Variants in MACROD2 observed in about 807,000 individuals in gnomAD.
The protein encoded by MACROD2 is ADP-ribose glycohydrolase MACROD2.
A neutral mutation model predicts 70.4 loss-of-function variants in MACROD2; 36 were observed. That is an observed-to-expected ratio of 0.51 (90% CI 0.39 to 0.68). The LOEUF (loss-of-function observed/expected upper bound fraction) is 0.68. Ranked by LOEUF, MACROD2 falls within the 30% of genes least tolerant of loss-of-function variation. The pLI is 0.00. For missense variants in MACROD2, 496 were observed against 538.4 expected (o/e 0.92, Z 0.78); for synonymous variants, 172 against 178.8 (o/e 0.96, Z 0.30).
At chr20:15,564,731 T>C (rs1304979484) in intron 8 of MACROD2, among the ~76,000 whole-genome samples, 4 of 152,210 alleles carry the variant, frequency 2.6e-5, no homozygotes, top group Non-Finnish European at 5.9e-5. Context: ...AGAAGGCTGG[T>C]AATATGTTTA....
At chr20:14,000,109 G>T (rs956531647) in intron 1 of MACROD2, among the ~76,000 whole-genome samples, 2 of 152,114 alleles carry the variant, frequency 1.3e-5, no homozygotes, top group African/African-American at 4.8e-5. Flanking sequence ...TCCTATTTGT[G>T]CCCACTTCCT....
chr20:15,679,342 G>A (rs1003233570), intron 8 of MACROD2, among the ~76,000 whole-genome samples: 1 of 152,130 alleles, frequency 6.6e-6, no homozygotes, highest in Non-Finnish European at 1.5e-5. Flanking sequence ...AAGGGTGAGG[G>A]GTGGTCAGGG....
At chr20:15,926,271 A>G (rs769777307) in intron 10 of MACROD2, among the ~76,000 whole-genome samples, 16 of 152,166 alleles carry the variant, frequency 1.1e-4, no homozygotes, top group Admixed American at 1.0e-3. Context: ...AAGATCCTGG[A>G]ATAGAAGATA....
Position 14,832,098 on chromosome 20 carries a change from A to G in MACROD2, c.418+147139A>G, listed in dbSNP as rs940863861. 1.6e-5 allele frequency among the ~76,000 whole-genome samples: 2 copies of G among 126,528 alleles called. 1 individual carries two copies. Among genetic ancestry groups the G allele is most frequent in the Non-Finnish European group, 3.1e-5 (2 of 63,902 alleles). The allele number at this position is 126,528 out of a possible 152,430, so 83.0% of individuals were successfully genotyped here. A position where few individuals can be genotyped will look rare whatever the true frequency, so the allele number is the denominator to read the frequency against. On this transcript the variant is annotated intron_variant, in intron 5 of 17. Transcript: ENST00000684519. Reference sequence around the variant, plus strand: ...CGCTCTGTGGCCCAGGCTGGAGTGCAGTGGCACGATCTCGGCTCACTGCAA... The same window carrying G: ...CGCTCTGTGGCCCAGGCTGGAGTGCGGTGGCACGATCTCGGCTCACTGCAA...
intron 3 of MACROD2, among the ~76,000 whole-genome samples, chr20:14,351,905 T>C (rs1253438922): frequency 1.3e-5 from 2 of 152,196 alleles, no homozygotes; most frequent in Non-Finnish European, 2.9e-5. Context: ...ATTTGTTCTA[T>C]ATCCAGTTAT....
chr20:15,053,010 T>C (rs2075454861), intron 5 of MACROD2, among the ~76,000 whole-genome samples: 1 of 152,224 alleles, frequency 6.6e-6, no homozygotes, highest in South Asian at 2.1e-4. Flanking sequence ...AACCAAACCC[T>C]AATCCAGAGC....
At chr20:14,875,102 G>C (rs1167852280) in intron 5 of MACROD2, among the ~76,000 whole-genome samples, 1 of 152,034 alleles carries the variant, frequency 6.6e-6, no homozygotes, top group African/African-American at 2.4e-5. Context: ...GACTATTTGG[G>C]CTGGGCGCAG....
intron 5 of MACROD2, among the ~76,000 whole-genome samples, chr20:14,700,776 C>G (rs2071187949): frequency 6.6e-6 from 1 of 152,102 alleles, no homozygotes; most frequent in Non-Finnish European, 1.5e-5. Context: ...CAGTCATAAT[C>G]TACATACCAA....
intron 5 of MACROD2, among the ~76,000 whole-genome samples, chr20:15,087,034 T>G (rs2075754031): frequency 6.6e-6 from 1 of 152,114 alleles, no homozygotes; most frequent in Admixed American, 6.6e-5. Flanking sequence ...GATACCATAA[T>G]TGTAGGGAAA....
Position 14,440,716 on chromosome 20 carries a change from C to A in MACROD2, c.272-52763C>A, listed in dbSNP as rs140451877. Among the ~76,000 whole-genome samples the A allele has an allele frequency of 3.5e-4, 53 of 152,232 alleles. No individual in the cohort carries two copies. The East Asian group carries it at 0.01, about 29-fold the overall frequency. On this transcript the variant is annotated intron_variant, in intron 3 of 17. Coordinates refer to ENST00000684519, the MANE Select transcript of MACROD2 (RefSeq NM_001351661.2). Reference sequence around the variant, plus strand: ...GACATGGGTGTGGAAAAGGGAAAACCATTGCTGAATTTATGGCAGTTATTG... The same window carrying A: ...GACATGGGTGTGGAAAAGGGAAAACAATTGCTGAATTTATGGCAGTTATTG...
Position 16,050,274 on chromosome 20 carries a change from G to A in MACROD2, c.*398G>A, listed in dbSNP as rs899446163. 3 of 161,740 alleles carry A rather than the reference G, an allele frequency of 1.9e-5. No homozygotes were observed. The highest frequency in any genetic ancestry group is 6.4e-5 in the Admixed American group (1 of 15,684). 10.0% of individuals were successfully genotyped at this position (161,740 alleles called of 1,614,324 possible). On this transcript the variant is annotated 3_prime_UTR_variant, in exon 18 of 18. Transcript: ENST00000684519. ...GGTTTATTCAAAGGAAGGGGAGGAAGACAGTGGTTTGATAAGCTGCAGGAT... is the reference window on the plus strand; with the variant it reads ...GGTTTATTCAAAGGAAGGGGAGGAAAACAGTGGTTTGATAAGCTGCAGGAT...
chr20:15,112,464 G>T (rs1354143977), intron 5 of MACROD2, among the ~76,000 whole-genome samples: 3 of 152,030 alleles, frequency 2.0e-5, no homozygotes, highest in Non-Finnish European at 2.9e-5. Flanking sequence ...TCAAGTTTCA[G>T]ATTTTAATTC....
rs2082740877 is a variant in MACROD2, at chr20:14,326,683, C to T, written c.272-166796C>T. 13 of 1,613,708 alleles carry T rather than the reference C, an allele frequency of 8.1e-6. No individual in the cohort carries two copies. The highest frequency in any genetic ancestry group is 4.5e-5 in the East Asian group (2 of 44,856). On this transcript the variant is annotated intron_variant, in intron 3 of 17. Coordinates refer to ENST00000684519, the MANE Select transcript of MACROD2 (RefSeq NM_001351661.2). This position sits in a 1 kb window ranked among gnomAD's most constrained non-coding sequence, Gnocchi z 5.5. ...TAGGTTATTATTGGACATATCCAGTCGATAGAGCTGCCTTAGATAAGAAAA... is the reference window on the plus strand; with the variant it reads ...TAGGTTATTATTGGACATATCCAGTTGATAGAGCTGCCTTAGATAAGAAAA...
intron 5 of MACROD2, among the ~76,000 whole-genome samples, chr20:14,983,676 T>G (rs2074822780): frequency 6.6e-6 from 1 of 152,168 alleles, no homozygotes; most frequent in African/African-American, 2.4e-5. Context: ...AACATGGAAC[T>G]GTAAGTTCAA....
chr20:15,800,489 C>T (rs1321197354), intron 8 of MACROD2, among the ~76,000 whole-genome samples: 1 of 152,100 alleles, frequency 6.6e-6, no homozygotes, highest in East Asian at 1.9e-4. Flanking sequence ...AGTTTTATTC[C>T]TCTGCATAGG....
chr20:14,656,747 C>T (rs944096029), intron 4 of MACROD2, among the ~76,000 whole-genome samples: 1 of 152,130 alleles, frequency 6.6e-6, no homozygotes, highest in Non-Finnish European at 1.5e-5. Flanking sequence ...GATGTCATTA[C>T]TCTGGGGGTT....
At chr20:15,326,402 T>C (rs2077929781) in intron 6 of MACROD2, among the ~76,000 whole-genome samples, 1 of 152,084 alleles carries the variant, frequency 6.6e-6, no homozygotes, top group Non-Finnish European at 1.5e-5. Flanking sequence ...CCTTATTGGA[T>C]AAGCTAATAT....
At chr20:16,004,308 A>C (rs1247285414) in intron 15 of MACROD2, among the ~76,000 whole-genome samples, 1 of 152,214 alleles carries the variant, frequency 6.6e-6, no homozygotes. Context: ...ACAAGGGAAC[A>C]CAGAGACCGC....
intron 5 of MACROD2, among the ~76,000 whole-genome samples, chr20:15,153,764 G>A (rs143338212): frequency 2.0e-5 from 3 of 152,254 alleles, no homozygotes; most frequent in Admixed American, 6.5e-5. Context: ...GGTGAGTAGG[G>A]CCTGGAAAGC....
Sources: gnomAD v4.1 joint callset for allele counts (sites outside exome capture counted in the v4.1 genomes callset) on GRCh38, gnomAD v4.1.1 for gene constraint, Gnocchi (gnomAD v3.1) non-coding constraint, MANE v1.5 for transcripts, NCBI Gene and HGNC (gene_info 2026-07-23, HGNC 2026-07-21) for gene names.